THADA: variants seen among roughly 807,000 people sequenced by gnomAD.
THADA encodes the protein tRNA (32-2'-O)-methyltransferase regulator THADA.
In THADA, 213 loss-of-function variants were observed where a neutral mutation model predicts 219.8. That is an observed-to-expected ratio of 0.97 (90% CI 0.87 to 1.09). THADA has a LOEUF of 1.09. Among genes scored for constraint, THADA ranks in the 50% least tolerant of loss-of-function variants. The pLI, the probability that THADA is intolerant of heterozygous loss-of-function variation, is 0.00. For missense variants in THADA, 2,956 were observed against 2,311.3 expected (o/e 1.28, Z -5.72); for synonymous variants, 1,018 against 828.9 (o/e 1.23, Z -3.92).
At chr2:43,555,162 G>A in intron 17 of THADA, among the ~76,000 whole-genome samples, 1 of 151,870 alleles carries the variant, frequency 6.6e-6, no homozygotes, top group Middle Eastern at 3.4e-3. Context: ...AATATATACA[G>A]TAAGTACTAC....
chr2:43,392,051 T>G (rs554292217), intron 29 of THADA: 25 of 152,310 alleles, frequency 1.6e-4, no homozygotes, highest in African/African-American at 5.8e-4. Context: ...TGATTTTCCA[T>G]TCTGAAATAA....
chr2:43,292,953 T>A lies in THADA; in HGVS notation c.4699A>T (p.Lys1567Ter). 1.2e-6 allele frequency: 2 copies of A among 1,614,050 alleles called. No individual in the cohort carries two copies. Among genetic ancestry groups the A allele is most frequent in the Non-Finnish European group, 8.5e-7 (1 of 1,179,908 alleles). The change falls in exon 32 of 38, where the codon AAG becomes TAG. Residue 1567 changes from lysine (K) to a stop codon, truncating the protein, a stop_gained. Coordinates refer to ENST00000405975, the MANE Select transcript of THADA (RefSeq NM_022065.5). LOFTEE classifies it high-confidence loss of function. Reference protein sequence around the residue: ...RSLTLEALLEKFLAAASGLGE... With the variant: ...RSLTLEALLE ...AGTCCAGAGGCTGCTGCTAAGAACT[T>A]TTCCAAGAGGGCTTCCAGTGTTAGT...
At chr2:43,370,534 G>C (rs1024838082) in intron 29 of THADA, among the ~76,000 whole-genome samples, 6 of 152,128 alleles carry the variant, frequency 3.9e-5, no homozygotes, top group Admixed American at 2.6e-4. Flanking sequence ...GATCATTCTA[G>C]ATTAAAATAT....
Position 43,356,017 on chromosome 2 carries a change from G to A in THADA, c.4228-11780C>T, listed in dbSNP as rs139000293. Among the ~76,000 whole-genome samples, 843 of 152,308 alleles carry A rather than the reference G, an allele frequency of 5.5e-3. 10 individuals carry two copies. Among genetic ancestry groups the A allele is most frequent in the Middle Eastern group, 0.01 (3 of 294 alleles). On this transcript the variant is annotated intron_variant, in intron 29 of 37. Transcript: ENST00000405975. ...AATAACCAATATAGGAAGAGCTTAT[G>A]ATGTAGTGCAGAAAGTAAGATGTAC...
chr2:43,243,091 G>A (rs1668782483), intron 36 of THADA, among the ~76,000 whole-genome samples: 1 of 152,164 alleles, frequency 6.6e-6, no homozygotes, highest in Admixed American at 6.5e-5. Flanking sequence ...TTCTAGCAGT[G>A]GCTGCATCCC....
Position 43,320,475 on chromosome 2 carries a change from A to G in THADA, c.4409T>C (p.Leu1470Pro). ...CTGGTTGTCCTTTGCAGATCTGTTG[A>G]GGCAGCAAGTCAATAGGAAGAGAAT... Reference protein sequence around the residue: ...IDILFLLTCCLNRSAKDNQPV... With the variant: ...IDILFLLTCCPNRSAKDNQPV... The change falls in exon 31 of 38, where the codon CTC becomes CCC. Residue 1470 changes from leucine (L) to proline (P), a missense_variant. Physicochemically the swap from Leu to Pro is moderately conservative, Grantham distance 98 (BLOSUM62 -3). Coordinates refer to ENST00000405975, the MANE Select transcript of THADA (RefSeq NM_022065.5). 1.2e-6 allele frequency: 2 copies of G among 1,613,568 alleles called. No homozygotes were observed. The highest frequency in any genetic ancestry group is 1.3e-5 in the African/African-American group (1 of 75,054).
intron 26 of THADA, among the ~76,000 whole-genome samples, chr2:43,446,531 G>C (rs1228061299): frequency 6.6e-6 from 1 of 152,126 alleles, no homozygotes; most frequent in Non-Finnish European, 1.5e-5. Context: ...AGCCATGTTG[G>C]TTCTATCAGC....
chr2:43,418,419 C>T (rs561679618), intron 28 of THADA, among the ~76,000 whole-genome samples: 1 of 151,850 alleles, frequency 6.6e-6, no homozygotes, highest in East Asian at 2.0e-4. Flanking sequence ...GCGGGAGGAA[C>T]CTCTGTGCCA....
intron 26 of THADA, among the ~76,000 whole-genome samples, chr2:43,441,180 C>G (rs983953183): frequency 6.6e-6 from 1 of 152,120 alleles, no homozygotes; most frequent in South Asian, 2.1e-4. Context: ...AAATTATTTT[C>G]TACAGAAAAT....
At chr2:43,583,397 T>C (rs950192115) in intron 7 of THADA, among the ~76,000 whole-genome samples, 3 of 152,242 alleles carry the variant, frequency 2.0e-5, no homozygotes, top group Non-Finnish European at 4.4e-5. Context: ...CCTTGGGTTA[T>C]TGCCATAGCC....
intron 21 of THADA, among the ~76,000 whole-genome samples, chr2:43,530,365 T>A (rs1693709539): frequency 6.6e-6 from 1 of 152,216 alleles, no homozygotes; most frequent in South Asian, 2.1e-4. Flanking sequence ...AAGGCTTAAA[T>A]CCGAATTAAA....
In THADA at chr2:43,498,900, T is replaced by C. The variant is rs1417035743; in HGVS notation, c.3677A>G (p.Asn1226Ser). The C allele has an allele frequency of 1.2e-6, 2 of 1,607,044 alleles. No individual in the cohort carries two copies. The highest frequency in any genetic ancestry group is 4.5e-5 in the East Asian group (2 of 44,768). The change falls in exon 25 of 38, where the codon AAT becomes AGT. Residue 1226 changes from asparagine to serine, a missense_variant. Transcript: ENST00000405975. ...ALFRDTRLGE[N>S]IIPYVADGAK... is the part of the protein sequence containing the mutation. The stretch of plus-strand genomic sequence containing the variant: ...TCCATCAGCAACATAAGGAATAATA[T>C]TTTCTCCCAGGCGCGTATCTCTGAA...
intron 22 of THADA, among the ~76,000 whole-genome samples, chr2:43,514,317 G>A (rs1690886215): frequency 6.6e-6 from 1 of 150,534 alleles, no homozygotes; most frequent in Admixed American, 6.7e-5. Context: ...TGGGCATGGT[G>A]GCACTTGCCT....
chr2:43,417,860 T>G (rs938062207), intron 28 of THADA, among the ~76,000 whole-genome samples: 8 of 152,034 alleles, frequency 5.3e-5, no homozygotes, highest in African/African-American at 1.7e-4. Context: ...TGCCCAACAT[T>G]CCCCCCCTCT....
chr2:43,414,323 T>A lies in THADA; in HGVS notation c.4058+13777A>T, dbSNP rs1189554941. 8.5e-5 allele frequency among the ~76,000 whole-genome samples: 13 copies of A among 152,364 alleles called. No homozygotes were observed. In the South Asian group the frequency reaches 1.9e-3, roughly 22 times the overall value. Reference sequence around the variant, plus strand: ...GTACATTTACCAAGAAGCTTTATTTTAGATTCAACTGGACTCTGGCCTTGA... The same window carrying A: ...GTACATTTACCAAGAAGCTTTATTTAAGATTCAACTGGACTCTGGCCTTGA... On this transcript the variant is annotated intron_variant, in intron 28 of 37. Transcript: ENST00000405975.
chr2:43,289,184 G>A (rs1674399125), intron 34 of THADA, among the ~76,000 whole-genome samples: 1 of 152,196 alleles, frequency 6.6e-6, no homozygotes, highest in Admixed American at 6.5e-5. Flanking sequence ...TCCATTGTAT[G>A]GATACATTAC....
At chr2:43,370,264 T>G (rs1474495233) in intron 29 of THADA, 2 of 152,384 alleles carry the variant, frequency 1.3e-5, no homozygotes, top group East Asian at 3.9e-4. Context: ...ATACTTTGAC[T>G]GCCTAGATTT....
chr2:43,378,910 A>T (rs1671689262), intron 29 of THADA, among the ~76,000 whole-genome samples: 1 of 152,140 alleles, frequency 6.6e-6, no homozygotes, highest in Non-Finnish European at 1.5e-5. Flanking sequence ...CAGCCTAATA[A>T]TATCTTCAAA....
chr2:43,531,483 A>T (rs1295080943), intron 21 of THADA, among the ~76,000 whole-genome samples: 1 of 152,226 alleles, frequency 6.6e-6, no homozygotes, highest in Non-Finnish European at 1.5e-5. Flanking sequence ...TACAAGGAAG[A>T]GAAGAATCCG....
Sources: allele counts gnomAD v4.1 joint callset (sites outside exome capture counted in the v4.1 genomes callset), GRCh38; gene constraint gnomAD v4.1.1; transcripts MANE v1.5; gene names NCBI Gene and HGNC (gene_info 2026-07-23, HGNC 2026-07-21).